The following FARS2 variants were observed in gnomAD, a reference collection of about 807,000 sequenced individuals.
FARS2 encodes the protein phenylalanine--tRNA ligase, mitochondrial.
A neutral mutation model predicts 46.4 loss-of-function variants in FARS2; 40 were observed. The observed-to-expected ratio is 0.86, with a 90% CI of 0.67 to 1.12. FARS2 has a LOEUF of 1.12. Among genes scored for constraint, FARS2 ranks in the 50% most tolerant of loss-of-function variants. FARS2 has a pLI of 0.00. For synonymous variants in FARS2, 234 were observed against 214.9 expected, an observed-to-expected ratio of 1.09 and a Z score of -0.78; for missense variants, 513 against 567.9, an observed-to-expected ratio of 0.90 and a Z score of 0.98.
chr6:5,517,590 A>G (rs1768886029), intron 4 of FARS2, among the ~76,000 whole-genome samples: 1 of 151,252 alleles, frequency 6.6e-6, no homozygotes, highest in Non-Finnish European at 1.5e-5. Context: ...CCAGCCTGGG[A>G]GACAAGAGTG....
rs540891345 is a variant in FARS2 at position 5,623,932 on chromosome 6, C to T, written c.1217+10612C>T. On this transcript the variant is annotated intron_variant, in intron 6 of 6. Transcript: ENST00000274680. ...TTATCTGAACTTAAAGATAGCCTAG[C>T]GCTGAAAAGCCAATGACAGCTAATC... is the stretch of plus-strand genomic sequence containing the variant. Among the ~76,000 whole-genome samples the T allele has an allele frequency of 7.9e-5, 12 of 152,234 alleles. 1 individual carries two copies. The highest frequency in any genetic ancestry group is 3.9e-4 in the East Asian group (2 of 5,176).
chr6:5,418,801 C>T (rs760138461), intron 3 of FARS2, among the ~76,000 whole-genome samples: 7 of 152,154 alleles, frequency 4.6e-5, no homozygotes, highest in Non-Finnish European at 8.8e-5. Context: ...AGGTCTCACC[C>T]CTCTGGGGGG....
At chr6:5,271,746 A>G (rs1181937604) in intron 1 of FARS2, among the ~76,000 whole-genome samples, 2 of 151,910 alleles carry the variant, frequency 1.3e-5, no homozygotes, top group Non-Finnish European at 2.9e-5. Context: ...TATTTTTAGT[A>G]GAGATGGGGT....
intron 5 of FARS2, among the ~76,000 whole-genome samples, chr6:5,582,326 C>T (rs1205477763): frequency 1.3e-5 from 2 of 152,120 alleles, no homozygotes; most frequent in African/African-American, 4.8e-5. Context: ...AACATACTTC[C>T]GGTTTAGCAA....
At chr6:5,393,379 G>A (rs996182540) in intron 2 of FARS2, among the ~76,000 whole-genome samples, 3 of 152,124 alleles carry the variant, frequency 2.0e-5, no homozygotes, top group African/African-American at 7.2e-5. Context: ...TGCTTTGGCC[G>A]GGCATGGTGG....
At chr6:5,331,608 C>T (rs1770804608) in intron 1 of FARS2, among the ~76,000 whole-genome samples, 1 of 152,196 alleles carries the variant, frequency 6.6e-6, no homozygotes. Context: ...TAAGGGAGAG[C>T]TGGGGATTAG....
chr6:5,398,387 A>G (rs773528727), intron 2 of FARS2, among the ~76,000 whole-genome samples: 2 of 152,160 alleles, frequency 1.3e-5, no homozygotes, highest in African/African-American at 4.8e-5. Flanking sequence ...GTTATAACCT[A>G]TTACTAAAAT....
chr6:5,663,952 T>G (rs767795970), intron 6 of FARS2, among the ~76,000 whole-genome samples: 1 of 152,214 alleles, frequency 6.6e-6, no homozygotes, highest in African/African-American at 2.4e-5. Context: ...GGCCATGGAC[T>G]GCAGGTGCTT....
chr6:5,677,155 A>G (rs1474350020), intron 6 of FARS2, among the ~76,000 whole-genome samples: 3 of 152,254 alleles, frequency 2.0e-5, no homozygotes, highest in South Asian at 2.1e-4. Context: ...TAACTTTCAT[A>G]TAAATTTGTG....
intron 5 of FARS2, among the ~76,000 whole-genome samples, chr6:5,581,845 C>A (rs1480655209): frequency 6.6e-6 from 1 of 151,726 alleles, no homozygotes; most frequent in African/African-American, 2.4e-5. Flanking sequence ...TAACATACTT[C>A]CGGTTAATTC....
intron 6 of FARS2, among the ~76,000 whole-genome samples, chr6:5,651,015 G>T (rs1361109768): frequency 6.6e-6 from 1 of 152,202 alleles, no homozygotes; most frequent in African/African-American, 2.4e-5. Context: ...AAAGATGGCA[G>T]ATTGAACATA....
intron 6 of FARS2, among the ~76,000 whole-genome samples, chr6:5,748,192 G>A (rs1041415294): frequency 1.3e-5 from 2 of 152,132 alleles, no homozygotes; most frequent in Admixed American, 1.3e-4. Context: ...GCTTCCTGAG[G>A]CTTGGGCCTT....
At chr6:5,393,130 A>G (rs1335531392) in intron 2 of FARS2, among the ~76,000 whole-genome samples, 1 of 152,024 alleles carries the variant, frequency 6.6e-6, no homozygotes, top group South Asian at 2.1e-4. Flanking sequence ...ATGTACCTAC[A>G]TGGATATACT....
chr6:5,401,180 C>A (rs979061652), intron 2 of FARS2, among the ~76,000 whole-genome samples: 10 of 151,892 alleles, frequency 6.6e-5, no homozygotes, highest in African/African-American at 2.2e-4. Flanking sequence ...TATATTCGAT[C>A]TGAACTTTAT....
At chr6:5,522,754 T>C (rs940570509) in intron 4 of FARS2, among the ~76,000 whole-genome samples, 1 of 152,246 alleles carries the variant, frequency 6.6e-6, no homozygotes. Flanking sequence ...AGATTTAACA[T>C]TGGAAAGAAA....
At chr6:5,321,028 T>A (rs1308356003) in intron 1 of FARS2, among the ~76,000 whole-genome samples, 2 of 152,200 alleles carry the variant, frequency 1.3e-5, no homozygotes, top group African/African-American at 4.8e-5. Flanking sequence ...GATTCATCTC[T>A]CAACTATATT....
intron 6 of FARS2, among the ~76,000 whole-genome samples, chr6:5,676,514 G>A (rs1023303533): frequency 3.3e-5 from 5 of 152,148 alleles, no homozygotes; most frequent in African/African-American, 4.8e-5. Flanking sequence ...TAAAACCATT[G>A]CAAAGAGCAG....
chr6:5,532,504 C>A (rs1769904159), intron 4 of FARS2, among the ~76,000 whole-genome samples: 1 of 152,212 alleles, frequency 6.6e-6, no homozygotes, highest in African/African-American at 2.4e-5. Flanking sequence ...GTAATCCCAG[C>A]ACTTTGGGAG....
intron 6 of FARS2, among the ~76,000 whole-genome samples, chr6:5,736,219 G>C (rs896519900): frequency 6.6e-6 from 1 of 152,228 alleles, no homozygotes; most frequent in African/African-American, 2.4e-5. Context: ...CACAGGGCAA[G>C]CATTGCAGCT....
Sources: gnomAD v4.1 joint callset for allele counts (sites outside exome capture counted in the v4.1 genomes callset) on GRCh38, gnomAD v4.1.1 for gene constraint, MANE v1.5 for transcripts, NCBI Gene and HGNC (gene_info 2026-07-23, HGNC 2026-07-21) for gene names.